TMEM204: variants seen among roughly 807,000 people sequenced by gnomAD.
TMEM204 encodes the protein transmembrane protein 204, also known as claudin-like protein 24.
In TMEM204, 15 loss-of-function variants were observed where a neutral mutation model predicts 19.4. That is an observed-to-expected ratio of 0.77 (90% CI 0.52 to 1.19). The LOEUF (loss-of-function observed/expected upper bound fraction) is 1.19, where lower values mean the gene tolerates loss of function less well. Among genes scored for constraint, TMEM204 ranks in the 50% most tolerant of loss-of-function variants. TMEM204 has a pLI of 0.00. For missense variants in TMEM204, 287 were observed against 321.2 expected, an observed-to-expected ratio of 0.89 and a Z score of 0.81; for synonymous variants, 161 against 146.0, an observed-to-expected ratio of 1.10 and a Z score of -0.74.
rs1464303469 is a variant in TMEM204 at position 1,554,886 on chromosome 16, C to G, written c.541C>G (p.Leu181Val). 1 of 1,614,274 alleles carries G rather than the reference C, an allele frequency of 6.2e-7. No homozygotes were observed. The highest frequency in any genetic ancestry group is 1.7e-5 in the Admixed American group (1 of 60,032). ...CATTGGCGCCTGCCTTCTGGCCACGCTGGCGGCAGCCATGCTCATCTGGAA... is the reference window on the plus strand; with the variant it reads ...CATTGGCGCCTGCCTTCTGGCCACGGTGGCGGCAGCCATGCTCATCTGGAA... ...LNIGACLLATLAAAMLIWNIL... is the reference protein window; with the variant it reads ...LNIGACLLATVAAAMLIWNIL... The change falls in exon 3 of 3, where the codon CTG (leucine) becomes GTG (valine). Residue 181 changes from leucine to valine, a missense_variant. By Grantham distance (32) the Leu-to-Val change is conservative. Coordinates refer to ENST00000566264, the MANE Select transcript of TMEM204 (RefSeq NM_024600.6).
chr16:1,533,000 C>T (rs891866085), upstream of TMEM204: 1 of 152,504 alleles, frequency 6.6e-6, no homozygotes, highest in African/African-American at 2.4e-5. Flanking sequence ...CCACCCAGCA[C>T]ATCCAGAATC....
intron 1 of TMEM204, among the ~76,000 whole-genome samples, chr16:1,537,493 G>A (rs1167704092): frequency 2.0e-5 from 3 of 152,240 alleles, no homozygotes; most frequent in Non-Finnish European, 4.4e-5. Context: ...AGAGGAGCCC[G>A]GTCTCGACTT....
rs1216807875 is a variant in TMEM204, at chr16:1,554,961, A to C, written c.616A>C (p.Ser206Arg). 1 of 1,614,048 alleles carries C rather than the reference A, an allele frequency of 6.2e-7. No individual in the cohort carries two copies. ...CATGGCCCCCCGGGTGATTGTCATC[A>C]GCCGCTCCCTGACAGCGCGCTTTCG... ...DCMAPRVIVI[S>R]RSLTARFRRG... The change falls in exon 3 of 3, where the codon AGC becomes CGC. Residue 206 changes from serine (S) to arginine (R), a missense_variant. Coordinates refer to ENST00000566264, the MANE Select transcript of TMEM204 (RefSeq NM_024600.6).
rs186046328 is a variant in TMEM204, at chr16:1,551,494, T to C, written c.437-3288T>C. On this transcript the variant is annotated intron_variant, in intron 2 of 2. Coordinates refer to ENST00000566264, the MANE Select transcript of TMEM204 (RefSeq NM_024600.6). This position sits in a 1 kb window ranked among gnomAD's most constrained non-coding sequence, Gnocchi z 4.0. Reference sequence around the variant, plus strand: ...GGTAGCAGGGGAGACCCTAAGGCGATGGGAGCCACAAGGGTGCTGAGTGCT... The same window carrying C: ...GGTAGCAGGGGAGACCCTAAGGCGACGGGAGCCACAAGGGTGCTGAGTGCT... Among the ~76,000 whole-genome samples the C allele has an allele frequency of 1.6e-3, 250 of 152,216 alleles. 3 individuals are homozygous for C. Among genetic ancestry groups the C allele is most frequent in the East Asian group, 0.012 (63 of 5,170 alleles).
chr16:1,534,844 C>T (rs1342485859), intron 1 of TMEM204, among the ~76,000 whole-genome samples: 1 of 152,210 alleles, frequency 6.6e-6, no homozygotes. Context: ...GGCCTCTCTG[C>T]CGTTACACAT....
At position 1,554,665 on chromosome 16, in the gene TMEM204, C is replaced by T. The variant is rs2032944874; in HGVS notation, c.437-117C>T. The T allele has an allele frequency of 3.5e-6, 5 of 1,435,616 alleles. No homozygotes were observed. In the East Asian group the frequency reaches 1.2e-4, roughly 33 times the overall value. The allele number at this position is 1,435,616 out of a possible 1,614,324, so 88.9% of individuals were successfully genotyped here. A position where few individuals can be genotyped will look rare whatever the true frequency, so the allele number is the denominator to read the frequency against. ...AAGCAGGCTGGAACCCGCTCTAGGA[C>T]AGAGGGCTGGGGAAGGATAAAGCAG... On this transcript the variant is annotated intron_variant, in intron 2 of 2. Coordinates refer to ENST00000566264, the MANE Select transcript of TMEM204 (RefSeq NM_024600.6).
intron 2 of TMEM204, among the ~76,000 whole-genome samples, chr16:1,542,803 C>T (rs1256942477): frequency 6.6e-6 from 1 of 152,260 alleles, no homozygotes; most frequent in Admixed American, 6.5e-5. Flanking sequence ...GGAGGAGGCC[C>T]GGCCTTGCAG....
Position 1,534,249 on chromosome 16 carries a change from G to A in TMEM204, c.-27G>A, listed in dbSNP as rs372636447. 72 of 1,606,754 alleles carry A rather than the reference G, an allele frequency of 4.5e-5. No individual in the cohort carries two copies. The highest frequency in any genetic ancestry group is 4.1e-4 in the South Asian group (37 of 90,802). On this transcript the variant is annotated 5_prime_UTR_variant, in exon 1 of 3. Coordinates refer to ENST00000566264, the MANE Select transcript of TMEM204 (RefSeq NM_024600.6). ...CGCGGACTGGGACTTGGCTTTCTCC[G>A]GATAAGCGGCGGCACCGGCGTCAGC...
Position 1,553,210 on chromosome 16 carries a change from GTC to G in TMEM204, c.437-1564_437-1563del. The G allele has an allele frequency of 1.0e-6, 1 of 979,312 alleles. No individual in the cohort carries two copies. Among genetic ancestry groups the G allele is most frequent in the Non-Finnish European group, 1.2e-6 (1 of 824,498 alleles). 60.7% of individuals were successfully genotyped at this position (979,312 alleles called of 1,614,324 possible). On this transcript the variant is annotated intron_variant, in intron 2 of 2. Coordinates refer to ENST00000566264, the MANE Select transcript of TMEM204 (RefSeq NM_024600.6). The surrounding 1 kb of genome is among the most constrained non-coding windows in gnomAD (Gnocchi z 4.4). ...TCTCCTTCCCTGTGTCTCTGTCTCT[GTC>G]TCTCTCTGTCTCCATCTGTCTCTGT...
upstream of TMEM204, chr16:1,532,348 C>T (rs2030594025): frequency 6.6e-6 from 1 of 152,376 alleles, no homozygotes; most frequent in South Asian, 2.1e-4. Context: ...GCACGTCCCT[C>T]AGGAAGCCAG....
In TMEM204 at chr16:1,554,269, G is replaced by A. The variant is rs975395905; in HGVS notation, c.437-513G>A. 13 of 451,966 alleles carry A rather than the reference G, an allele frequency of 2.9e-5. No homozygotes were observed. The East Asian group carries it at 5.1e-4, about 18-fold the overall frequency. 28.0% of individuals were successfully genotyped at this position (451,966 alleles called of 1,614,324 possible). A position where few individuals can be genotyped will look rare whatever the true frequency, so the allele number is the denominator to read the frequency against. On this transcript the variant is annotated intron_variant, in intron 2 of 2. Coordinates refer to ENST00000566264, the MANE Select transcript of TMEM204 (RefSeq NM_024600.6). ...AACTGTCAGAAGCATAGCTCTGGGC[G>A]CGATGAGCACCAAACTGACCTGTTT...
chr16:1,540,896 G>T, intron 1 of TMEM204: 1 of 985,432 alleles, frequency 1.0e-6, no homozygotes, highest in Non-Finnish European at 1.2e-6. Flanking sequence ...TGCAGTCCCT[G>T]ACTCCAGGCT....
upstream of TMEM204, among the ~76,000 whole-genome samples, chr16:1,530,221 C>A (rs2030319011): frequency 6.7e-6 from 1 of 148,696 alleles, no homozygotes; most frequent in African/African-American, 2.5e-5. Context: ...TCACTGCAAC[C>A]TCTGCCTCCC....
chr16:1,543,514 G>A (rs755998184), intron 2 of TMEM204, among the ~76,000 whole-genome samples: 14 of 152,248 alleles, frequency 9.2e-5, no homozygotes, highest in South Asian at 2.1e-4. Flanking sequence ...AGCACAGGGC[G>A]TGGAGCCTGG....
At chr16:1,540,428 G>A (rs939200155) in intron 1 of TMEM204, among the ~76,000 whole-genome samples, 24 of 152,214 alleles carry the variant, frequency 1.6e-4, no homozygotes, top group African/African-American at 5.3e-4. Flanking sequence ...CCGTGCACGC[G>A]TGAACCTCGA....
chr16:1,549,395 C>T (rs917901111), intron 2 of TMEM204, among the ~76,000 whole-genome samples: 8 of 152,366 alleles, frequency 5.3e-5, no homozygotes, highest in East Asian at 1.9e-4. Context: ...GCTCCCAGAA[C>T]GCGGCTCCAG....
rs2141233269 is a variant in TMEM204 at position 1,533,690 on chromosome 16, G to T, written c.-586G>T. ...CCATTTCCTCTCTGCTGAGAGCCAG[G>T]GAAGGCGAGCTCTGCGCACACGGGC... is the stretch of plus-strand genomic sequence containing the variant. On this transcript the variant is annotated 5_prime_UTR_variant, in exon 1 of 3. Transcript: ENST00000566264. The surrounding 1 kb of genome is among the most constrained non-coding windows in gnomAD (Gnocchi z 4.7). 1 of 153,040 alleles carries T rather than the reference G, an allele frequency of 6.5e-6. No homozygotes were observed. Among genetic ancestry groups the T allele is most frequent in the African/African-American group, 2.4e-5 (1 of 41,598 alleles). The allele number at this position is 153,040 out of a possible 1,614,324, so 9.5% of individuals were successfully genotyped here. A position where few individuals can be genotyped will look rare whatever the true frequency, so the allele number is the denominator to read the frequency against.
intron 2 of TMEM204, chr16:1,554,149 GAGCC>G (rs2032899866): frequency 7.8e-7 from 1 of 1,286,474 alleles, no homozygotes; most frequent in African/African-American, 1.5e-5. Flanking sequence ...TATAGCCAAG[GAGCC>G]CTAGACAAGG....
intron 2 of TMEM204, among the ~76,000 whole-genome samples, chr16:1,544,157 G>A (rs8053605): frequency 0.43 from 63,591 of 148,060 alleles, 14,925 homozygotes; most frequent in African/African-American, 0.63. Context: ...AGGTGGGATT[G>A]CAGGCACCTG....
Sources: allele counts gnomAD v4.1 joint callset (sites outside exome capture counted in the v4.1 genomes callset), GRCh38; gene constraint gnomAD v4.1.1; non-coding constraint Gnocchi (gnomAD v3.1); transcripts MANE v1.5; gene names NCBI Gene and HGNC (gene_info 2026-07-23, HGNC 2026-07-21).